Variants in TCF7L1 observed in about 807,000 individuals in gnomAD.
The protein encoded by TCF7L1 is transcription factor 7-like 1.
TCF7L1 carries 18 observed loss-of-function variants against 63.7 expected under a neutral mutation model. That is an observed-to-expected ratio of 0.28 (90% CI 0.20 to 0.42). TCF7L1 has a LOEUF of 0.42. Ranked by LOEUF, TCF7L1 falls within the 10% of genes least tolerant of loss-of-function variation. TCF7L1 has a pLI of 1.00. For synonymous variants in TCF7L1, 355 were observed against 340.9 expected (o/e 1.04, Z -0.46); for missense variants, 654 against 779.3 (o/e 0.84, Z 1.91).
chr2:85,155,804 G>C (rs566867558), intron 3 of TCF7L1, among the ~76,000 whole-genome samples: 1 of 151,894 alleles, frequency 6.6e-6, no homozygotes, highest in Admixed American at 6.6e-5. Flanking sequence ...CACCAGGCCC[G>C]TCTGCACCCC....
chr2:85,151,239 A>G (rs545345203), intron 3 of TCF7L1, among the ~76,000 whole-genome samples: 2 of 152,256 alleles, frequency 1.3e-5, no homozygotes, highest in South Asian at 2.1e-4. Flanking sequence ...TAACTTCCTA[A>G]TTAGGTTTTT....
chr2:85,207,250 A>G (rs62165564), intron 3 of TCF7L1, among the ~76,000 whole-genome samples: 1,915 of 152,294 alleles, frequency 0.013, 24 homozygotes, highest in Middle Eastern at 0.024. Flanking sequence ...GTGACCTACC[A>G]TGCACACAAA....
chr2:85,290,994 A>G (rs959495000), intron 4 of TCF7L1, among the ~76,000 whole-genome samples: 1 of 152,140 alleles, frequency 6.6e-6, no homozygotes, highest in Admixed American at 6.5e-5. Flanking sequence ...AAAGATAACA[A>G]ATGTTTGCAG....
At chr2:85,140,371 A>G (rs954340337) in intron 3 of TCF7L1, among the ~76,000 whole-genome samples, 2 of 152,166 alleles carry the variant, frequency 1.3e-5, no homozygotes, top group African/African-American at 2.4e-5. Context: ...GAGGTATAGA[A>G]GTAGGAGAAG....
At chr2:85,237,751 A>C (rs1395757890) in intron 3 of TCF7L1, among the ~76,000 whole-genome samples, 1 of 15,672 alleles carries the variant, frequency 6.4e-5, no homozygotes, top group Non-Finnish European at 1.2e-4. Context: ...ATAATGGGGG[A>C]GGGAGGAGGG....
At chr2:85,295,227 G>A (rs1010502033) in intron 4 of TCF7L1, among the ~76,000 whole-genome samples, 1 of 152,044 alleles carries the variant, frequency 6.6e-6, no homozygotes, top group Admixed American at 6.6e-5. Context: ...TTGAGACGGA[G>A]TATTGCTCTT....
intron 3 of TCF7L1, among the ~76,000 whole-genome samples, chr2:85,141,579 A>G (rs1204261387): frequency 2.6e-5 from 4 of 152,330 alleles, no homozygotes; most frequent in African/African-American, 7.2e-5. Context: ...CTATGGAAAG[A>G]AGAGGAAAGG....
intron 3 of TCF7L1, among the ~76,000 whole-genome samples, chr2:85,259,213 T>C (rs1421141760): frequency 6.6e-6 from 1 of 152,166 alleles, no homozygotes; most frequent in African/African-American, 2.4e-5. Flanking sequence ...GACTGATGAG[T>C]GTTCTGGGGC....
At chr2:85,297,265 A>G (rs2104382755) in intron 4 of TCF7L1, among the ~76,000 whole-genome samples, 1 of 152,288 alleles carries the variant, frequency 6.6e-6, no homozygotes, top group Non-Finnish European at 1.5e-5. Flanking sequence ...CAGGTCCCAG[A>G]GTCTTTTCTC....
chr2:85,262,685 C>G (rs1680885283), intron 3 of TCF7L1, among the ~76,000 whole-genome samples: 1 of 152,188 alleles, frequency 6.6e-6, no homozygotes, highest in Admixed American at 6.5e-5. Context: ...GGGGGATACC[C>G]AGGAACTCAC....
intron 3 of TCF7L1, among the ~76,000 whole-genome samples, chr2:85,244,589 GA>G (rs1413261683): frequency 3.3e-5 from 5 of 152,336 alleles, no homozygotes; most frequent in African/African-American, 1.2e-4. Flanking sequence ...AAGACTGTGG[GA>G]GGGGCAGGTT....
chr2:85,304,057 T>G (rs1682048246), intron 6 of TCF7L1, 60 bp downstream of exon 6: 1 of 1,397,964 alleles, frequency 7.2e-7, no homozygotes, highest in African/African-American at 1.4e-5. Flanking sequence ...TCTGCCTCTG[T>G]GCCCTGCGCG....
At chr2:85,153,003 A>AT (rs1431248189) in intron 3 of TCF7L1, among the ~76,000 whole-genome samples, 2 of 152,256 alleles carry the variant, frequency 1.3e-5, no homozygotes, top group Admixed American at 1.3e-4. Context: ...AGATAATGAC[A>AT]GCAGATTTGA....
At chr2:85,198,873 A>C (rs1351947900) in intron 3 of TCF7L1, among the ~76,000 whole-genome samples, 1 of 152,188 alleles carries the variant, frequency 6.6e-6, no homozygotes, top group Non-Finnish European at 1.5e-5. Context: ...AAATAAAAAG[A>C]AAAAAGAAAA....
intron 3 of TCF7L1, among the ~76,000 whole-genome samples, chr2:85,259,848 G>A (rs991309388): frequency 7.2e-5 from 11 of 152,160 alleles, no homozygotes; most frequent in African/African-American, 2.7e-4. Flanking sequence ...GGAAAAAGGA[G>A]GGCCGTGAGT....
In TCF7L1 at chr2:85,156,002, A is replaced by T. The variant is rs138980380; in HGVS notation, c.441+21552A>T. On this transcript the variant is annotated intron_variant, in intron 3 of 11. Coordinates refer to ENST00000282111, the MANE Select transcript of TCF7L1 (RefSeq NM_031283.3). ...TTATGATCTTGAATAAATTAAAAAC[A>T]AATGTTAAAGAAGTCATAATGAGGT... Among the ~76,000 whole-genome samples the T allele has an allele frequency of 3.6e-3, 547 of 152,328 alleles. 1 individual carries two copies. Among genetic ancestry groups the T allele is most frequent in the African/African-American group, 0.012 (508 of 41,574 alleles).
intron 3 of TCF7L1, among the ~76,000 whole-genome samples, chr2:85,142,248 G>A (rs951137742): frequency 2.6e-5 from 4 of 151,932 alleles, no homozygotes; most frequent in Non-Finnish European, 4.4e-5. Flanking sequence ...GCAATATGGC[G>A]AAACCCCATT....
At chr2:85,245,419 C>T (rs1680437458) in intron 3 of TCF7L1, among the ~76,000 whole-genome samples, 1 of 152,176 alleles carries the variant, frequency 6.6e-6, no homozygotes, top group Non-Finnish European at 1.5e-5. Context: ...GGTTGGCTGA[C>T]AAGGCTTCCC....
rs1484679735 is a variant in TCF7L1, at chr2:85,307,656, G to A, written c.1272G>A (p.Lys424=). 1.2e-6 allele frequency: 2 copies of A among 1,613,808 alleles called. No individual in the cohort carries two copies. The highest frequency in any genetic ancestry group is 1.7e-6 in the Non-Finnish European group (2 of 1,179,972). Residue 424 remains lysine, a synonymous_variant, in exon 11 of 12, where the codon AAG becomes AAA. Transcript: ENST00000282111. ...GTATTTTCCAGGGTAAGAAAAAGAA[G>A]AGGAAGAGAGAAAAGCAGCTGTCCC... ...SARDNYGKKK[K]RKREKQLSQT...
Sources: allele counts gnomAD v4.1 joint callset (sites outside exome capture counted in the v4.1 genomes callset), GRCh38; gene constraint gnomAD v4.1.1; transcripts MANE v1.5; gene names NCBI Gene and HGNC (gene_info 2026-07-23, HGNC 2026-07-21).